The following NFIA variants were observed in gnomAD, a reference collection of about 807,000 sequenced individuals.
NFIA encodes the protein nuclear factor I A.
NFIA carries 8 observed loss-of-function variants against 62.8 expected under a neutral mutation model. That is an observed-to-expected ratio of 0.13 (90% CI 0.07 to 0.23). The LOEUF is 0.23. Ranked by LOEUF, NFIA falls within the 10% of genes least tolerant of loss-of-function variation. The pLI is 1.00. For synonymous variants in NFIA, 235 were observed against 238.1 expected (o/e 0.99, Z 0.12); for missense variants, 410 against 642.1 (o/e 0.64, Z 3.91).
At chr1:61,358,676 C>T (rs1450837931) in intron 5 of NFIA, among the ~76,000 whole-genome samples, 2 of 152,144 alleles carry the variant, frequency 1.3e-5, no homozygotes, top group African/African-American at 4.8e-5. Flanking sequence ...GCTTGAGCCA[C>T]CATGCCCAGC....
At chr1:61,280,401 ATTCTT>A (rs1370375202) in intron 3 of NFIA, among the ~76,000 whole-genome samples, 1 of 152,234 alleles carries the variant, frequency 6.6e-6, no homozygotes. Flanking sequence ...AACAGACTTG[ATTCTT>A]CAAATAAAAT....
intron 2 of NFIA, among the ~76,000 whole-genome samples, chr1:61,175,646 C>T (rs1196582753): frequency 1.3e-5 from 2 of 152,202 alleles, no homozygotes; most frequent in Non-Finnish European, 2.9e-5. Flanking sequence ...AAGCCTTATT[C>T]TAGTAGGCCA....
chr1:61,294,310 A>C (rs1659066241), intron 3 of NFIA, among the ~76,000 whole-genome samples: 1 of 152,242 alleles, frequency 6.6e-6, no homozygotes, highest in South Asian at 2.1e-4. Flanking sequence ...ATTAGTCACA[A>C]GAGTGATGAA....
At chr1:61,196,131 T>TAAA (rs1651973047) in intron 2 of NFIA, among the ~76,000 whole-genome samples, 1 of 152,196 alleles carries the variant, frequency 6.6e-6, no homozygotes, top group African/African-American at 2.4e-5. Flanking sequence ...TTGTCTTATG[T>TAAA]GTAGGTGCTT....
chr1:61,210,339 T>C (rs558582500), intron 2 of NFIA, among the ~76,000 whole-genome samples: 1 of 152,300 alleles, frequency 6.6e-6, no homozygotes, highest in Non-Finnish European at 1.5e-5. Flanking sequence ...TATTCCTGTT[T>C]TCAGAAAAAT....
chr1:61,209,009 C>A (rs1047170116), intron 2 of NFIA, among the ~76,000 whole-genome samples: 3 of 152,064 alleles, frequency 2.0e-5, no homozygotes, highest in Non-Finnish European at 4.4e-5. Context: ...TCATTCCCAG[C>A]GCTGCCTGGG....
chr1:61,284,649 CAG>C (rs745442667), intron 3 of NFIA, among the ~76,000 whole-genome samples: 24 of 152,284 alleles, frequency 1.6e-4, no homozygotes, highest in Non-Finnish European at 2.6e-4. Context: ...TGTCTTCACA[CAG>C]AGAATAACTA....
chr1:61,172,437 T>C (rs181931530), intron 2 of NFIA, among the ~76,000 whole-genome samples: 166 of 152,344 alleles, frequency 1.1e-3, no homozygotes, highest in African/African-American at 3.8e-3. Flanking sequence ...GCCAGCCTGT[T>C]GATGCATAAC....
chr1:61,307,888 C>T (rs1659885743), intron 3 of NFIA, among the ~76,000 whole-genome samples: 1 of 152,174 alleles, frequency 6.6e-6, no homozygotes, highest in Non-Finnish European at 1.5e-5. Context: ...GCTGTCTTGT[C>T]TTCCTATAAA....
rs187841990 is a variant in NFIA at position 61,089,531 on chromosome 1, T to C, written c.559+851T>C. On this transcript the variant is annotated intron_variant, in intron 2 of 10. Transcript: ENST00000403491. ...GTTTTAGACAAAAGGCTCATTGTGC[T>C]ATGTGAACGCTCAGGTCTTGTGTAA... Among the ~76,000 whole-genome samples, 206 of 152,280 alleles carry C rather than the reference T, an allele frequency of 1.4e-3. 1 individual carries two copies. The highest frequency in any genetic ancestry group is 4.2e-3 in the Admixed American group (64 of 15,290).
Position 61,088,654 on chromosome 1 carries a change from A to G in NFIA, c.533A>G (p.Tyr178Cys), listed in dbSNP as rs115223897. ...IGVSVKELDL[Y>C]LAYFVHAADS... is the part of the protein sequence containing the mutation. ...GTTTCTGTTAAGGAACTCGATTTAT[A>G]TTTGGCATACTTTGTGCATGCAGCA... is the stretch of plus-strand genomic sequence containing the variant. The change falls in exon 2 of 11, where the codon TAT becomes TGT. Residue 178 changes from tyrosine (Y) to cysteine (C), a missense_variant. This residue lies in a region of NFIA where 298 missense variants were observed against 438.1 expected (regional missense o/e 0.68). Coordinates refer to ENST00000403491, the MANE Select transcript of NFIA (RefSeq NM_001134673.4). This position sits in a 1 kb window ranked among gnomAD's most constrained non-coding sequence, Gnocchi z 4.5. 1 of 1,613,514 alleles carries G rather than the reference A, an allele frequency of 6.2e-7. No homozygotes were observed. Among genetic ancestry groups the G allele is most frequent in the East Asian group, 2.2e-5 (1 of 44,872 alleles).
At chr1:61,261,357 G>C (rs1433611994) in intron 2 of NFIA, among the ~76,000 whole-genome samples, 1 of 152,068 alleles carries the variant, frequency 6.6e-6, no homozygotes, top group Non-Finnish European at 1.5e-5. Context: ...ATACAATACT[G>C]GTTTTCACTT....
intron 2 of NFIA, among the ~76,000 whole-genome samples, chr1:61,270,243 C>T (rs1246829378): frequency 1.3e-5 from 2 of 152,108 alleles, no homozygotes; most frequent in Non-Finnish European, 2.9e-5. Context: ...TTTATTTGAA[C>T]CACACAACAT....
At chr1:61,250,987 A>G (rs191881555) in intron 2 of NFIA, 1 of 152,298 alleles carries the variant, frequency 6.6e-6, no homozygotes, top group Non-Finnish European at 1.5e-5. Context: ...ATAGACACAG[A>G]AAAAAGATGG....
chr1:61,191,991 G>C (rs1433579383), intron 2 of NFIA, among the ~76,000 whole-genome samples: 1 of 151,772 alleles, frequency 6.6e-6, no homozygotes, highest in African/African-American at 2.4e-5. Context: ...ATGGAGTCTT[G>C]CTCTGGTGCC....
chr1:61,434,957 A>G (rs1667263905), intron 10 of NFIA, among the ~76,000 whole-genome samples: 1 of 152,190 alleles, frequency 6.6e-6, no homozygotes, highest in Non-Finnish European at 1.5e-5. Flanking sequence ...GGTTGGAAAA[A>G]GGAGTTGTGA....
At chr1:61,417,125 A>T (rs983326937) in intron 9 of NFIA, among the ~76,000 whole-genome samples, 1 of 152,012 alleles carries the variant, frequency 6.6e-6, no homozygotes, top group African/African-American at 2.4e-5. Context: ...ATTATTTCAG[A>T]TGACAGATGA....
chr1:61,448,365 A>G (rs80154416), intron 10 of NFIA, among the ~76,000 whole-genome samples: 11,716 of 152,226 alleles, frequency 0.077, 1,188 homozygotes, highest in African/African-American at 0.23. Context: ...CGCAGCTGCT[A>G]CTTTTAACTA....
chr1:61,286,653 CT>C (rs1269630297), intron 3 of NFIA, among the ~76,000 whole-genome samples: 5 of 152,170 alleles, frequency 3.3e-5, no homozygotes, highest in Non-Finnish European at 7.3e-5. Flanking sequence ...GAAAATCCTA[CT>C]CTTAATTTAG....
Sources: gnomAD v4.1 joint callset for allele counts (sites outside exome capture counted in the v4.1 genomes callset) on GRCh38, gnomAD v4.1.1 for gene constraint, gnomAD v4.1.1 regional missense constraint, Gnocchi (gnomAD v3.1) non-coding constraint, MANE v1.5 for transcripts, NCBI Gene and HGNC (gene_info 2026-07-23, HGNC 2026-07-21) for gene names.